ARHGAP15: variants seen among roughly 807,000 people sequenced by gnomAD.
ARHGAP15 encodes rho GTPase-activating protein 15.
ARHGAP15 carries 51 observed loss-of-function variants against 63.7 expected under a neutral mutation model. The observed-to-expected ratio is 0.80, with a 90% CI of 0.64 to 1.01. The LOEUF (loss-of-function observed/expected upper bound fraction) is 1.01, where lower values mean the gene tolerates loss of function less well. Among genes scored for constraint, ARHGAP15 ranks in the 50% least tolerant of loss-of-function variants. The pLI is 0.00. For synonymous variants in ARHGAP15, 191 were observed against 193.8 expected (o/e 0.99, Z 0.12); for missense variants, 560 against 564.6 (o/e 0.99, Z 0.08).
At chr2:143,495,673 A>T (rs1046884567) in intron 9 of ARHGAP15, among the ~76,000 whole-genome samples, 2 of 152,112 alleles carry the variant, frequency 1.3e-5, no homozygotes, top group African/African-American at 4.8e-5. Context: ...TCAGCCCTAG[A>T]CTTAACAGTC....
At chr2:143,631,578 G>T (rs1462818356) in intron 12 of ARHGAP15, among the ~76,000 whole-genome samples, 1 of 152,018 alleles carries the variant, frequency 6.6e-6, no homozygotes, top group African/African-American at 2.4e-5. Context: ...ATGATGTTAA[G>T]CATCTTTTCA....
chr2:143,505,036 A>G (rs1574545275), intron 9 of ARHGAP15, among the ~76,000 whole-genome samples: 1 of 152,210 alleles, frequency 6.6e-6, no homozygotes, highest in African/African-American at 2.4e-5. Context: ...GTGAGAGAGT[A>G]GCTTCTTTCC....
chr2:143,686,410 A>C (rs1279458286), intron 12 of ARHGAP15, among the ~76,000 whole-genome samples: 10 of 132,690 alleles, frequency 7.5e-5, no homozygotes, highest in African/African-American at 2.8e-4. Context: ...AAAAAAAAAA[A>C]AAAAAAGCCC....
intron 10 of ARHGAP15, among the ~76,000 whole-genome samples, chr2:143,530,283 A>G (rs1694463766): frequency 6.6e-6 from 1 of 152,124 alleles, no homozygotes; most frequent in Non-Finnish European, 1.5e-5. Context: ...CATGATATAT[A>G]TGTAGACCAG....
chr2:143,392,436 A>T (rs556730074), intron 6 of ARHGAP15, among the ~76,000 whole-genome samples: 2 of 152,304 alleles, frequency 1.3e-5, no homozygotes, highest in Admixed American at 6.5e-5. Flanking sequence ...TATTTTTTCA[A>T]CAGATGTAGA....
chr2:143,708,128 A>G (rs1263810463), intron 13 of ARHGAP15, among the ~76,000 whole-genome samples: 2 of 152,192 alleles, frequency 1.3e-5, no homozygotes, highest in Admixed American at 6.5e-5. Flanking sequence ...TGGCCAATTC[A>G]TTCAACTCTA....
At chr2:143,388,688 CTCA>C (rs1375765741) in intron 6 of ARHGAP15, among the ~76,000 whole-genome samples, 1 of 152,130 alleles carries the variant, frequency 6.6e-6, no homozygotes, top group African/African-American at 2.4e-5. Flanking sequence ...TTTCAAATTT[CTCA>C]TCAAGTATTG....
intron 5 of ARHGAP15, among the ~76,000 whole-genome samples, chr2:143,232,804 T>C (rs1023664876): frequency 6.6e-6 from 1 of 152,178 alleles, no homozygotes; most frequent in Non-Finnish European, 1.5e-5. Flanking sequence ...GTTTTTTAAT[T>C]CATATAAATG....
intron 13 of ARHGAP15, among the ~76,000 whole-genome samples, chr2:143,709,849 G>C (rs1157042306): frequency 1.3e-5 from 2 of 152,148 alleles, no homozygotes; most frequent in Admixed American, 6.5e-5. Context: ...CTGATGTTTT[G>C]GTGGGGAGAA....
At chr2:143,550,451 G>C (rs576747737) in intron 10 of ARHGAP15, among the ~76,000 whole-genome samples, 1 of 152,318 alleles carries the variant, frequency 6.6e-6, no homozygotes, top group South Asian at 2.1e-4. Context: ...GGTAGTTGAT[G>C]CTGACCTAGA....
intron 6 of ARHGAP15, among the ~76,000 whole-genome samples, chr2:143,378,466 C>T (rs1686910628): frequency 6.6e-6 from 1 of 151,880 alleles, no homozygotes; most frequent in South Asian, 2.1e-4. Context: ...TGGATCAAAC[C>T]CAATATCTTT....
rs1208136213 is a variant in ARHGAP15 at position 143,322,224 on chromosome 2, TTG to T, written c.474+71626_474+71627del. On this transcript the variant is annotated intron_variant, in intron 6 of 13. Transcript: ENST00000295095. Reference sequence around the variant, plus strand: ...CTCAGTGGCTGGACTCCTAAGCAGTTTGTTTCTGTCAGGCTGACTGATGGCAC... The same window carrying T: ...CTCAGTGGCTGGACTCCTAAGCAGTTTTTCTGTCAGGCTGACTGATGGCAC... Among the ~76,000 whole-genome samples, 2 of 152,212 alleles carry T rather than the reference TTG, an allele frequency of 1.3e-5. 1 individual carries two copies. Among genetic ancestry groups the T allele is most frequent in the African/African-American group, 4.8e-5 (2 of 41,464 alleles).
intron 11 of ARHGAP15, among the ~76,000 whole-genome samples, chr2:143,572,395 A>G (rs978546208): frequency 2.6e-5 from 4 of 151,998 alleles, no homozygotes; most frequent in Non-Finnish European, 5.9e-5. Flanking sequence ...GCACACAGCC[A>G]TCTTCCCCAT....
intron 9 of ARHGAP15, among the ~76,000 whole-genome samples, chr2:143,512,963 C>A (rs963706699): frequency 6.6e-6 from 1 of 152,230 alleles, no homozygotes; most frequent in Non-Finnish European, 1.5e-5. Context: ...TCTCAGTATC[C>A]AAATTCTAAA....
intron 6 of ARHGAP15, among the ~76,000 whole-genome samples, chr2:143,403,148 T>C (rs1304577873): frequency 6.6e-6 from 1 of 151,958 alleles, no homozygotes; most frequent in Non-Finnish European, 1.5e-5. Flanking sequence ...AAAGTAAATC[T>C]AGTTTATATC....
Position 143,409,333 on chromosome 2 carries a change from C to CTT in ARHGAP15, c.475-26259_475-26258dup, listed in dbSNP as rs536066223. Among the ~76,000 whole-genome samples, 3 of 148,434 alleles carry CTT rather than the reference C, an allele frequency of 2.0e-5. No individual in the cohort carries two copies. The East Asian group carries it at 5.9e-4, about 29-fold the overall frequency. The stretch of plus-strand genomic sequence containing the variant: ...TTTGATGGGACACTAATGAGAGAAT[C>CTT]TTTTTTTTTTAACCAAATAGAATCT... On this transcript the variant is annotated intron_variant, in intron 6 of 13. Transcript: ENST00000295095.
chr2:143,301,066 G>A (rs1682872577), intron 6 of ARHGAP15, among the ~76,000 whole-genome samples: 1 of 151,556 alleles, frequency 6.6e-6, no homozygotes, highest in Admixed American at 6.6e-5. Context: ...GCCCTTTCCT[G>A]GTGACTGTAT....
intron 11 of ARHGAP15, among the ~76,000 whole-genome samples, chr2:143,591,669 G>A (rs1697327591): frequency 6.8e-6 from 1 of 147,590 alleles, no homozygotes; most frequent in Admixed American, 6.9e-5. Context: ...CCCCCAGGCT[G>A]GAGTGCAATG....
chr2:143,676,533 T>C (rs1559120390), intron 12 of ARHGAP15: 2 of 152,202 alleles, frequency 1.3e-5, no homozygotes, highest in East Asian at 1.9e-4. Context: ...TTGTAGGTTT[T>C]TTCATTGGCC....
Sources: allele counts gnomAD v4.1 joint callset (sites outside exome capture counted in the v4.1 genomes callset), GRCh38; gene constraint gnomAD v4.1.1; transcripts MANE v1.5; gene names NCBI Gene and HGNC (gene_info 2026-07-23, HGNC 2026-07-21).